The following ANGPT1 variants were observed in gnomAD, a reference collection of about 807,000 sequenced individuals.
ANGPT1 encodes the protein angiopoietin 1, also known as angiopoietin-1.
A neutral mutation model predicts 62.2 loss-of-function variants in ANGPT1; 17 were observed. The ratio of observed to expected loss-of-function variants is 0.27; its 90% CI spans 0.19 to 0.41. ANGPT1 has a LOEUF of 0.41. ANGPT1 is among the 10% of genes least tolerant of loss of function. The pLI is 1.00. For synonymous variants in ANGPT1, 199 were observed against 198.9 expected (o/e 1.00, Z 0.00); for missense variants, 478 against 594.9 (o/e 0.80, Z 2.04).
At chr8:107,270,576 G>A (rs576697714) in intron 7 of ANGPT1, among the ~76,000 whole-genome samples, 7 of 152,054 alleles carry the variant, frequency 4.6e-5, no homozygotes, top group African/African-American at 1.7e-4. Flanking sequence ...CCTTTCCACT[G>A]AAAGAACTGG....
At chr8:107,479,918 G>GT (rs1382873482) in intron 1 of ANGPT1, among the ~76,000 whole-genome samples, 3 of 152,096 alleles carry the variant, frequency 2.0e-5, no homozygotes, top group African/African-American at 7.2e-5. Flanking sequence ...CAGTCTTCCA[G>GT]TTATATTTAT....
At chr8:107,376,491 A>C (rs2130259424) in intron 1 of ANGPT1, among the ~76,000 whole-genome samples, 1 of 152,280 alleles carries the variant, frequency 6.6e-6, no homozygotes, top group East Asian at 1.9e-4. Context: ...GAAAGAACAG[A>C]TCTTACAAAG....
chr8:107,279,693 A>C (rs1174057608), intron 7 of ANGPT1, among the ~76,000 whole-genome samples: 1 of 151,938 alleles, frequency 6.6e-6, no homozygotes. Context: ...ATTTTTCCAA[A>C]ATGGGTTCTA....
chr8:107,351,480 TTGGAC>T (rs1563581585), intron 1 of ANGPT1, among the ~76,000 whole-genome samples: 1 of 152,076 alleles, frequency 6.6e-6, no homozygotes, highest in South Asian at 2.1e-4. Context: ...TGTTCTGTTA[TTGGAC>T]TGGTTGGCTG....
chr8:107,474,705 C>A (rs958436177), intron 1 of ANGPT1, among the ~76,000 whole-genome samples: 2 of 152,184 alleles, frequency 1.3e-5, no homozygotes, highest in African/African-American at 4.8e-5. Context: ...AGCCCAAAAT[C>A]TCCTTAAGCT....
At chr8:107,282,553 CATATATATATATATATATATAT>C (rs753412026) in intron 7 of ANGPT1, among the ~76,000 whole-genome samples, 44 of 51,076 alleles carry the variant, frequency 8.6e-4, no homozygotes, top group South Asian at 3.5e-3. Context: ...ATATATGAAC[CATATATATATATATATATATAT>C]ATATATATAT....
intron 3 of ANGPT1, among the ~76,000 whole-genome samples, chr8:107,323,841 T>A (rs1815214102): frequency 6.6e-6 from 1 of 152,110 alleles, no homozygotes; most frequent in African/African-American, 2.4e-5. Context: ...TGATCTTGGC[T>A]CAATCTCTAC....
chr8:107,299,714 CTATA>C (rs559986510), intron 5 of ANGPT1, among the ~76,000 whole-genome samples: 4 of 126,434 alleles, frequency 3.2e-5, no homozygotes, highest in Non-Finnish European at 4.9e-5. Flanking sequence ...ACTATATATA[CTATA>C]TATATAGTTA....
At chr8:107,457,860 A>ACACACACG (rs1554596405) in intron 1 of ANGPT1, among the ~76,000 whole-genome samples, 20 of 142,330 alleles carry the variant, frequency 1.4e-4, no homozygotes, top group Admixed American at 6.9e-4. Context: ...ACACACACAC[A>ACACACACG]CACACACCAA....
At chr8:107,264,706 G>C (rs1054674504) in intron 7 of ANGPT1, among the ~76,000 whole-genome samples, 1 of 152,160 alleles carries the variant, frequency 6.6e-6, no homozygotes. Flanking sequence ...TAATAGTGCA[G>C]ATGTACTAAA....
At chr8:107,373,230 G>A (rs1048839395) in intron 1 of ANGPT1, among the ~76,000 whole-genome samples, 6 of 151,580 alleles carry the variant, frequency 4.0e-5, no homozygotes, top group Non-Finnish European at 5.9e-5. Context: ...CTCTTAAGTG[G>A]TCATTAACTT....
intron 1 of ANGPT1, among the ~76,000 whole-genome samples, chr8:107,430,589 G>C (rs1260195212): frequency 6.6e-6 from 1 of 152,174 alleles, no homozygotes; most frequent in Non-Finnish European, 1.5e-5. Context: ...TTGCAAATGA[G>C]ATTAAATCAT....
intron 4 of ANGPT1, among the ~76,000 whole-genome samples, chr8:107,316,148 G>C (rs1257898448): frequency 2.6e-5 from 4 of 152,084 alleles, no homozygotes; most frequent in Non-Finnish European, 5.9e-5. Context: ...ATTATTTCTT[G>C]CTGATTCTAA....
At chr8:107,434,344 A>C (rs1026179170) in intron 1 of ANGPT1, among the ~76,000 whole-genome samples, 1 of 152,108 alleles carries the variant, frequency 6.6e-6, no homozygotes, top group African/African-American at 2.4e-5. Context: ...CATGCTAGGG[A>C]TTTTGGACAT....
chr8:107,416,569 T>C (rs568754230), intron 1 of ANGPT1, among the ~76,000 whole-genome samples: 36 of 152,236 alleles, frequency 2.4e-4, no homozygotes, highest in African/African-American at 7.9e-4. Context: ...TGGCCTTTTA[T>C]GGAAACCTCA....
chr8:107,464,505 GT>G (rs972655114), intron 1 of ANGPT1, among the ~76,000 whole-genome samples: 3 of 151,942 alleles, frequency 2.0e-5, no homozygotes, highest in African/African-American at 7.3e-5. Context: ...ATTCTAGGTG[GT>G]GTACTAGATG....
At position 107,497,416 on chromosome 8, in the gene ANGPT1, G is replaced by A. The variant is rs768376449; in HGVS notation, c.143C>T (p.Pro48Leu). ...HGQCAYTFIL[P>L]EHDGNCREST... ...CTCACGACAGTTGCCATCGTGTTCT[G>A]GAAGAATGAAAGTGTAGGCACATTG... The change falls in exon 1 of 9, where the codon CCA becomes CTA. Residue 48 changes from proline (P) to leucine (L), a missense_variant. Physicochemically the swap from Pro to Leu is moderately conservative, Grantham distance 98. Coordinates refer to ENST00000517746, the MANE Select transcript of ANGPT1 (RefSeq NM_001146.5). The A allele has an allele frequency of 1.2e-6, 2 of 1,614,152 alleles. No homozygotes were observed. The highest frequency in any genetic ancestry group is 2.7e-5 in the African/African-American group (2 of 75,034).
chr8:107,333,476 G>C (rs1000546371), intron 3 of ANGPT1, among the ~76,000 whole-genome samples: 1 of 152,156 alleles, frequency 6.6e-6, no homozygotes, highest in African/African-American at 2.4e-5. Flanking sequence ...AATTTGTAGT[G>C]AAATACCTAT....
At chr8:107,341,636 T>A (rs1390363600) in intron 2 of ANGPT1, among the ~76,000 whole-genome samples, 1 of 148,480 alleles carries the variant, frequency 6.7e-6, no homozygotes, top group African/African-American at 2.4e-5. Flanking sequence ...TCATTATATA[T>A]GTATATATTA....
Sources: allele counts gnomAD v4.1 joint callset (sites outside exome capture counted in the v4.1 genomes callset), GRCh38; gene constraint gnomAD v4.1.1; transcripts MANE v1.5; gene names NCBI Gene and HGNC (gene_info 2026-07-23, HGNC 2026-07-21).